The following DPP10 variants were observed in gnomAD, a reference collection of about 807,000 sequenced individuals.
The protein encoded by DPP10 is dipeptidyl peptidase like 10, also known as inactive dipeptidyl peptidase 10.
DPP10 carries 33 observed loss-of-function variants against 120.9 expected under a neutral mutation model. The ratio of observed to expected loss-of-function variants is 0.27; its 90% CI spans 0.21 to 0.37. The LOEUF is 0.37. DPP10 is among the 10% of genes least tolerant of loss of function. The probability of loss-of-function intolerance (pLI) is 1.00; values close to 1 mark genes in which losing one functional copy is unlikely to be tolerated. For missense variants in DPP10, 816 were observed against 942.8 expected (o/e 0.87, Z 1.76); for synonymous variants, 337 against 326.1 (o/e 1.03, Z -0.36).
At chr2:114,917,278 CT>C (rs1694875293) in intron 1 of DPP10, among the ~76,000 whole-genome samples, 1 of 152,096 alleles carries the variant, frequency 6.6e-6, no homozygotes. Context: ...GGAAAAATCT[CT>C]ACAAGAAGAG....
rs115814260 is a variant in DPP10, at chr2:115,775,146, G to A, written c.1222-2062G>A. 6.0e-3 allele frequency among the ~76,000 whole-genome samples: 915 copies of A among 151,806 alleles called. 21 individuals are homozygous for A. The highest frequency in any genetic ancestry group is 0.021 in the African/African-American group (876 of 41,466). On this transcript the variant is annotated intron_variant, in intron 13 of 25. Transcript: ENST00000410059. ...TTTAATATATGCAATAATTTTATAT[G>A]CATATATGAAATTATGTATATATCC... is the stretch of plus-strand genomic sequence containing the variant.
At chr2:115,624,210 A>G (rs926564459) in intron 5 of DPP10, among the ~76,000 whole-genome samples, 7 of 152,038 alleles carry the variant, frequency 4.6e-5, no homozygotes, top group Non-Finnish European at 8.8e-5. Flanking sequence ...TAAAAGGATT[A>G]TTCCTTATCT....
rs1701883621 is a variant in DPP10 at position 115,006,829 on chromosome 2, G to C, written c.61-302410G>C. Among the ~76,000 whole-genome samples, 4 of 151,538 alleles carry C rather than the reference G, an allele frequency of 2.6e-5. No individual in the cohort carries two copies. In the South Asian group the frequency reaches 6.3e-4, roughly 24 times the overall value. ...ATCAATGAGACAGAAAGTCAACAAG[G>C]ATACCCAGGAATTGAACTCAGCTCT... On this transcript the variant is annotated intron_variant, in intron 1 of 25. Coordinates refer to ENST00000410059, the MANE Select transcript of DPP10 (RefSeq NM_020868.6).
At chr2:115,313,423 T>A (rs2061662899) in intron 2 of DPP10, among the ~76,000 whole-genome samples, 1 of 152,172 alleles carries the variant, frequency 6.6e-6, no homozygotes, top group Non-Finnish European at 1.5e-5. Flanking sequence ...CTACCAATGA[T>A]AATAATGCCT....
At chr2:115,772,675 C>T (rs561200123) in intron 13 of DPP10, among the ~76,000 whole-genome samples, 4 of 152,186 alleles carry the variant, frequency 2.6e-5, no homozygotes, top group African/African-American at 9.6e-5. Context: ...GATATTCGCC[C>T]CTTTGCCCCT....
At chr2:114,567,357 A>G (rs1689281660) in intron 1 of DPP10, among the ~76,000 whole-genome samples, 1 of 152,064 alleles carries the variant, frequency 6.6e-6, no homozygotes, top group African/African-American at 2.4e-5. Context: ...CCTTAGTTGG[A>G]GATTAGAATA....
chr2:115,678,653 C>G (rs1307273339), intron 5 of DPP10, among the ~76,000 whole-genome samples: 1 of 152,178 alleles, frequency 6.6e-6, no homozygotes, highest in South Asian at 2.1e-4. Flanking sequence ...TAGGGCATTG[C>G]CCAGTGGAGC....
chr2:115,387,781 T>G (rs1239388848), intron 3 of DPP10, among the ~76,000 whole-genome samples: 3 of 152,198 alleles, frequency 2.0e-5, no homozygotes, highest in African/African-American at 4.8e-5. Flanking sequence ...GGTCAGTGGC[T>G]AAAGGTAAAT....
chr2:115,560,288 G>C (rs1274448003), intron 5 of DPP10, among the ~76,000 whole-genome samples: 1 of 140,070 alleles, frequency 7.1e-6, no homozygotes, highest in Non-Finnish European at 1.5e-5. Context: ...GGAGAATGGC[G>C]TGAACCCGGG....
At chr2:114,912,816 T>C (rs1450157427) in intron 1 of DPP10, among the ~76,000 whole-genome samples, 3 of 152,164 alleles carry the variant, frequency 2.0e-5, no homozygotes, top group Non-Finnish European at 4.4e-5. Flanking sequence ...TCATGGATAT[T>C]TGAGCTGGCA....
At chr2:114,949,161 G>A (rs1310160692) in intron 1 of DPP10, among the ~76,000 whole-genome samples, 5 of 152,090 alleles carry the variant, frequency 3.3e-5, no homozygotes, top group Non-Finnish European at 4.4e-5. Flanking sequence ...CTGACCTTGT[G>A]ATGCACCCGC....
intron 2 of DPP10, among the ~76,000 whole-genome samples, chr2:115,334,248 A>G (rs1416168221): frequency 1.7e-4 from 3 of 17,466 alleles, no homozygotes; most frequent in Admixed American, 7.9e-4. Flanking sequence ...TTTTTTTTTA[A>G]GAAACCTAGC....
intron 3 of DPP10, among the ~76,000 whole-genome samples, chr2:115,355,319 G>C (rs544255532): frequency 2.0e-5 from 3 of 151,414 alleles, no homozygotes; most frequent in Admixed American, 6.6e-5. Flanking sequence ...CAGTAATGTT[G>C]ACCTTTTTTT....
intron 1 of DPP10, among the ~76,000 whole-genome samples, chr2:114,851,613 T>G: frequency 6.6e-6 from 1 of 152,170 alleles, no homozygotes; most frequent in East Asian, 1.9e-4. Context: ...CAAAATACAA[T>G]TTAAGCATTC....
At chr2:115,596,810 T>C (rs1309009309) in intron 5 of DPP10, among the ~76,000 whole-genome samples, 2 of 152,176 alleles carry the variant, frequency 1.3e-5, no homozygotes, top group East Asian at 1.9e-4. Flanking sequence ...TTTTAAACAA[T>C]GGTAAACACT....
intron 1 of DPP10, among the ~76,000 whole-genome samples, chr2:114,511,713 T>A (rs1684161197): frequency 6.6e-6 from 1 of 152,194 alleles, no homozygotes; most frequent in Non-Finnish European, 1.5e-5. Flanking sequence ...ACACAGGATA[T>A]GTCTCCATCA....
chr2:115,424,684 T>C (rs986160506), intron 3 of DPP10, among the ~76,000 whole-genome samples: 4 of 152,088 alleles, frequency 2.6e-5, no homozygotes, highest in African/African-American at 9.7e-5. Context: ...ATTGAGAACC[T>C]TAAAATGCAT....
intron 3 of DPP10, among the ~76,000 whole-genome samples, chr2:115,360,093 A>G (rs1023494631): frequency 6.6e-6 from 1 of 152,110 alleles, no homozygotes; most frequent in Non-Finnish European, 1.5e-5. Context: ...TCTGAATTCT[A>G]TGTCTGTCAT....
At chr2:115,070,574 TCA>T in intron 1 of DPP10, among the ~76,000 whole-genome samples, 1 of 152,168 alleles carries the variant, frequency 6.6e-6, no homozygotes, top group South Asian at 2.1e-4. Context: ...CTGTCATTGA[TCA>T]GACACATTTA....
Sources: allele counts gnomAD v4.1 joint callset (sites outside exome capture counted in the v4.1 genomes callset), GRCh38; gene constraint gnomAD v4.1.1; transcripts MANE v1.5; gene names NCBI Gene and HGNC (gene_info 2026-07-23, HGNC 2026-07-21).